ZNF420: variants seen among roughly 807,000 people sequenced by gnomAD.
The protein encoded by ZNF420 is ATM and p53-associated KZNF protein.
In ZNF420, 31 loss-of-function variants were observed where a neutral mutation model predicts 44.7. That is an observed-to-expected ratio of 0.69 (90% CI 0.52 to 0.94). The LOEUF is 0.94. Among genes scored for constraint, ZNF420 ranks in the 40% least tolerant of loss-of-function variants. The pLI, the probability that ZNF420 is intolerant of heterozygous loss-of-function variation, is 0.00. For missense variants in ZNF420, 681 were observed against 827.9 expected, an observed-to-expected ratio of 0.82 and a Z score of 2.18; for synonymous variants, 245 against 267.4, an observed-to-expected ratio of 0.92 and a Z score of 0.82.
At chr19:37,085,657 A>T (rs181321501) in intron 2 of ZNF420, among the ~76,000 whole-genome samples, 1 of 152,312 alleles carries the variant, frequency 6.6e-6, no homozygotes, top group African/African-American at 2.4e-5. Flanking sequence ...GGACATCCTA[A>T]TCTAGGGGAG....
At chr19:37,118,234 T>A (rs1599714820) in intron 4 of ZNF420, among the ~76,000 whole-genome samples, 1 of 152,290 alleles carries the variant, frequency 6.6e-6, no homozygotes, top group Non-Finnish European at 1.5e-5. Context: ...AAAGGTCAGG[T>A]TACCCACAAA....
At position 37,129,736 on chromosome 19, in the gene ZNF420, C is replaced by A. The variant is rs1599737737; in HGVS notation, c.*678C>A. On this transcript the variant is annotated 3_prime_UTR_variant, in exon 5 of 5. Transcript: ENST00000337995. ...AAAAAAAAAACCCAGTGGATATAATCAGTGTATTATTAAAAAAAAAAAAAC... is the reference window on the plus strand; with the variant it reads ...AAAAAAAAAACCCAGTGGATATAATAAGTGTATTATTAAAAAAAAAAAAAC... The A allele has an allele frequency of 2.7e-5, 4 of 146,648 alleles. No individual in the cohort carries two copies. Among genetic ancestry groups the A allele is most frequent in the East Asian group, 1.6e-4 (1 of 6,122 alleles). The allele number at this position is 146,648 out of a possible 1,614,324, so 9.1% of individuals were successfully genotyped here.
At chr19:37,078,597 G>A (rs529173132) in intron 1 of ZNF420, 27 bp downstream of exon 1, 2 of 152,448 alleles carry the variant, frequency 1.3e-5, no homozygotes, top group East Asian at 1.9e-4. Context: ...TGCCGGAGCG[G>A]ACACGCGCGG....
intron 4 of ZNF420, chr19:37,091,733 C>T (rs2146542909): frequency 6.6e-6 from 1 of 152,190 alleles, no homozygotes; most frequent in African/African-American, 2.4e-5. Context: ...CAAGACTAGC[C>T]TGGCCAACAT....
intron 1 of ZNF420, among the ~76,000 whole-genome samples, chr19:37,058,839 C>A (rs369917162): frequency 1.8e-4 from 27 of 152,320 alleles, no homozygotes; most frequent in African/African-American, 6.3e-4. Flanking sequence ...CGGACTCGCC[C>A]TATCCCTGTT....
chr19:37,114,861 TG>T (rs1239670415), intron 4 of ZNF420: 1 of 152,156 alleles, frequency 6.6e-6, no homozygotes, highest in Non-Finnish European at 1.5e-5. Context: ...CCTACTTGCT[TG>T]TTTTAATTCT....
chr19:37,122,996 C>A (rs958999842), intron 4 of ZNF420, among the ~76,000 whole-genome samples: 1 of 152,218 alleles, frequency 6.6e-6, no homozygotes, highest in African/African-American at 2.4e-5. Context: ...TGCCCCATCA[C>A]AGTGAGGAGT....
At position 37,118,421 on chromosome 19, in the gene ZNF420, A is replaced by G. The variant is rs890039414; in HGVS notation, c.137-8707A>G. 2.6e-4 allele frequency among the ~76,000 whole-genome samples: 39 copies of G among 152,296 alleles called. No homozygotes were observed. In the Middle Eastern group the frequency reaches 0.014, roughly 53 times the overall value. The stretch of plus-strand genomic sequence containing the variant: ...ATCCTTTACAGACAAGCAAATGCTG[A>G]GAGATTTTGTCACCAGCAGGCCTGC... On this transcript the variant is annotated intron_variant, in intron 4 of 4. Coordinates refer to ENST00000337995, the MANE Select transcript of ZNF420 (RefSeq NM_144689.5).
intron 1 of ZNF420, among the ~76,000 whole-genome samples, chr19:37,064,386 A>C (rs1426939206): frequency 1.3e-5 from 2 of 152,064 alleles, no homozygotes; most frequent in African/African-American, 4.8e-5. Context: ...TTTGCTCCAG[A>C]TTTGGCAAGT....
intron 1 of ZNF420, among the ~76,000 whole-genome samples, chr19:37,034,189 G>GT (rs1256991905): frequency 4.0e-5 from 6 of 151,546 alleles, no homozygotes; most frequent in African/African-American, 1.5e-4. Flanking sequence ...ATTTTTTCCT[G>GT]TTTTTTTGAT....
chr19:37,092,848 G>T (rs2146549013), intron 4 of ZNF420, among the ~76,000 whole-genome samples: 1 of 152,180 alleles, frequency 6.6e-6, no homozygotes, highest in Non-Finnish European at 1.5e-5. Flanking sequence ...ATTCACAATA[G>T]CCAAAAAGTG....
At chr19:37,117,550 A>G (rs1046307038) in intron 4 of ZNF420, among the ~76,000 whole-genome samples, 11 of 152,220 alleles carry the variant, frequency 7.2e-5, no homozygotes, top group Non-Finnish European at 1.5e-4. Flanking sequence ...TGGAAACTCT[A>G]AAAAGCAGAG....
intron 1 of ZNF420, among the ~76,000 whole-genome samples, chr19:37,014,040 G>A (rs2074591567): frequency 6.6e-6 from 1 of 152,222 alleles, no homozygotes; most frequent in Admixed American, 6.5e-5. Flanking sequence ...CTGGGAACCA[G>A]GAGAGGGCCT....
At chr19:37,054,763 C>T (rs1967710630) in intron 1 of ZNF420, among the ~76,000 whole-genome samples, 1 of 152,174 alleles carries the variant, frequency 6.6e-6, no homozygotes, top group Admixed American at 6.5e-5. Flanking sequence ...TGACAACAGG[C>T]AGGTTGATAA....
rs779121864 is a variant in ZNF420, at chr19:37,127,211, G to A, written c.220G>A (p.Asp74Asn). 22 of 1,604,982 alleles carry A rather than the reference G, an allele frequency of 1.4e-5. No individual in the cohort carries two copies. Among genetic ancestry groups the A allele is most frequent in the Non-Finnish European group, 1.9e-5 (22 of 1,175,722 alleles). ...ETELSQWEMS[D>N]RLENCDLEES... is the part of the protein sequence containing the mutation. ...AGAATTATCCCAATGGGAAATGAGT[G>A]ACAGACTTGAAAACTGTGATCTTGA... is the stretch of plus-strand genomic sequence containing the variant. Residue 74 changes from aspartate (D) to asparagine (N), a missense_variant, in exon 5 of 5, where the codon GAC becomes AAC. By Grantham distance (23) the Asp-to-Asn change is conservative (BLOSUM62 1). This residue lies in a region of ZNF420 where 350 missense variants were observed against 382.5 expected (regional missense o/e 0.92). Transcript: ENST00000337995.
At position 37,058,670 on chromosome 19, in the gene ZNF420, G is replaced by A. The variant is rs142700837; in HGVS notation, c.-124-21675G>A. ...CAGAGGCGCTATGCTTTTCCTTGGC[G>A]TTGACTGGGAGGTCATCTGTGTCCC... On this transcript the variant is annotated intron_variant, in intron 1 of 4. Transcript: ENST00000587029. Among the ~76,000 whole-genome samples, 504 of 150,044 alleles carry A rather than the reference G, an allele frequency of 3.4e-3. 5 individuals carry two copies. The highest frequency in any genetic ancestry group is 0.012 in the African/African-American group (481 of 40,950).
chr19:37,056,800 A>G (rs1458368694), intron 1 of ZNF420, among the ~76,000 whole-genome samples: 7 of 152,350 alleles, frequency 4.6e-5, no homozygotes, highest in African/African-American at 1.4e-4. Context: ...AGTTGGCTCA[A>G]GGAGGTCCTG....
At chr19:37,044,282 C>T (rs1239990987) in intron 1 of ZNF420, among the ~76,000 whole-genome samples, 1 of 152,102 alleles carries the variant, frequency 6.6e-6, no homozygotes, top group East Asian at 1.9e-4. Context: ...TTTGGGAGGC[C>T]AAGGCAGGAG....
At chr19:37,091,337 C>T (rs1158565238) in intron 4 of ZNF420, 1 of 337,468 alleles carries the variant, frequency 3.0e-6, no homozygotes, top group South Asian at 7.0e-5. Context: ...ACCATCTTCC[C>T]TGATGAACAA....
Sources: allele counts gnomAD v4.1 joint callset (sites outside exome capture counted in the v4.1 genomes callset), GRCh38; gene constraint gnomAD v4.1.1; regional missense constraint gnomAD v4.1.1; transcripts MANE v1.5; gene names NCBI Gene and HGNC (gene_info 2026-07-23, HGNC 2026-07-21).